ZNF112: variants seen among roughly 807,000 people sequenced by gnomAD.
ZNF112 encodes zinc finger protein 112, also known as zinc finger protein 112 (Y14).
In ZNF112, 37 loss-of-function variants were observed where a neutral mutation model predicts 77.7. The ratio of observed to expected loss-of-function variants is 0.48; its 90% CI spans 0.37 to 0.63. ZNF112 has a LOEUF of 0.63. Among genes scored for constraint, ZNF112 ranks in the 20% least tolerant of loss-of-function variants. The pLI is 0.00. For missense variants in ZNF112, 950 were observed against 1,077.4 expected (o/e 0.88, Z 1.66); for synonymous variants, 333 against 363.6 (o/e 0.92, Z 0.96).
At position 44,327,894 on chromosome 19, in the gene ZNF112, TCTGA is replaced by T. The variant is rs745678106; in HGVS notation, c.2259_2262del (p.Ser753ArgfsTer167). 6.2e-7 allele frequency: 1 copy of T among 1,614,104 alleles called. No homozygotes were observed. The highest frequency in any genetic ancestry group is 1.1e-5 in the South Asian group (1 of 91,088). ...CTCCGATGTGCTTCAAGGCGCGAAC[TCTGA>T]CTAAAGCCCTTCCCACACATCTCAC... On this transcript the variant is annotated frameshift_variant, in exon 4 of 4. Coordinates refer to ENST00000354340, the MANE Select transcript of ZNF112 (RefSeq NM_013380.4). LOFTEE classifies it high-confidence loss of function.
chr19:44,361,049 G>C (rs561753599), upstream of ZNF112, among the ~76,000 whole-genome samples: 1 of 152,286 alleles, frequency 6.6e-6, no homozygotes. Context: ...GCAATACCAT[G>C]ATGACTCCCA....
chr19:44,333,813 A>G lies in ZNF112; in HGVS notation c.220+2810T>C, dbSNP rs1210634298. Among the ~76,000 whole-genome samples, 3 of 152,330 alleles carry G rather than the reference A, an allele frequency of 2.0e-5. No homozygotes were observed. In the East Asian group the frequency reaches 5.8e-4, roughly 29 times the overall value. On this transcript the variant is annotated intron_variant, in intron 3 of 3. Coordinates refer to ENST00000354340, the MANE Select transcript of ZNF112 (RefSeq NM_013380.4). ...TACCTGGTCTCAGGTAGTTCTTTAC[A>G]GCAATGGGAGAATGGACGAATAAAG...
In ZNF112 at chr19:44,328,313, C is replaced by T; in HGVS notation, c.1844G>A (p.Ser615Asn). 2 of 1,613,890 alleles carry T rather than the reference C, an allele frequency of 1.2e-6. No homozygotes were observed. Among genetic ancestry groups the T allele is most frequent in the Non-Finnish European group, 1.7e-6 (2 of 1,179,932 alleles). Residue 615 changes from serine to asparagine, a missense_variant, in exon 4 of 4, where the codon AGT becomes AAT. By Grantham distance (46) the Ser-to-Asn change is conservative. This residue lies in a region of ZNF112 where 373 missense variants were observed against 482.8 expected (regional missense o/e 0.77). Coordinates refer to ENST00000354340, the MANE Select transcript of ZNF112 (RefSeq NM_013380.4). ...TCTCTGATGGCCTTGAAGGTGTGAA[C>T]TCCGACTGAAGCCCTTCCCACACTC... is the stretch of plus-strand genomic sequence containing the variant. ...CEECGKGFSRSSHLQGHQRVH... is the reference protein window; with the variant it reads ...CEECGKGFSRNSHLQGHQRVH...
At chr19:44,361,808 T>C (rs1004651296) in intron 1 of ZNF112, among the ~76,000 whole-genome samples, 3 of 152,188 alleles carry the variant, frequency 2.0e-5, no homozygotes, top group Non-Finnish European at 4.4e-5. Flanking sequence ...TCAAAATTGG[T>C]TCATTAGTTG....
intron 1 of ZNF112, among the ~76,000 whole-genome samples, chr19:44,345,648 C>T (rs1447291058): frequency 6.6e-6 from 1 of 152,190 alleles, no homozygotes; most frequent in Non-Finnish European, 1.5e-5. Context: ...TGATTATGTT[C>T]CTTTCTTGGT....
Position 44,330,055 on chromosome 19 carries a change from C to T in ZNF112, c.221-119G>A. 4 of 722,166 alleles carry T rather than the reference C, an allele frequency of 5.5e-6. No homozygotes were observed. In the South Asian group the frequency reaches 6.8e-5, roughly 12 times the overall value. 44.7% of individuals were successfully genotyped at this position (722,166 alleles called of 1,614,324 possible). On this transcript the variant is annotated intron_variant, in intron 3 of 3. Transcript: ENST00000354340. ...ATGAACCAGAGGAAAATTCATGCCA[C>T]TATTTCTAAGAATACTTAGAAAATA...
upstream of ZNF112, among the ~76,000 whole-genome samples, chr19:44,356,899 A>G (rs796112414): frequency 2.6e-5 from 4 of 152,180 alleles, no homozygotes; most frequent in Admixed American, 1.3e-4. Flanking sequence ...GCCGGTCCCA[A>G]AGGAATTCCT....
intron 3 of ZNF112, among the ~76,000 whole-genome samples, chr19:44,334,234 T>C (rs182639265): frequency 1.5e-4 from 23 of 152,330 alleles, no homozygotes; most frequent in Non-Finnish European, 3.2e-4. Flanking sequence ...ATAGGGATGA[T>C]TTAGGTTATC....
At chr19:44,344,461 C>T (rs1970550208) in intron 1 of ZNF112, among the ~76,000 whole-genome samples, 1 of 152,166 alleles carries the variant, frequency 6.6e-6, no homozygotes. Flanking sequence ...TGCACTACTC[C>T]AGTAGGCACC....
At chr19:44,331,867 C>T (rs1175957673) in intron 3 of ZNF112, among the ~76,000 whole-genome samples, 3 of 152,086 alleles carry the variant, frequency 2.0e-5, no homozygotes, top group Admixed American at 1.3e-4. Flanking sequence ...CTATAGGAGA[C>T]GTAGGGCGAC....
chr19:44,351,925 A>G lies in ZNF112; in HGVS notation c.-4+4701T>C, dbSNP rs576666231. On this transcript the variant is annotated intron_variant, in intron 1 of 3. Coordinates refer to ENST00000354340, the MANE Select transcript of ZNF112 (RefSeq NM_013380.4). ...TAGATGAAATGGTTTAATTCCTTCA[A>G]AGACACAAAACACAAAATACTGATG... Among the ~76,000 whole-genome samples the G allele has an allele frequency of 4.6e-5, 7 of 152,214 alleles. No individual in the cohort carries two copies. The South Asian group carries it at 1.5e-3, about 32-fold the overall frequency.
At position 44,336,705 on chromosome 19, in the gene ZNF112, G is replaced by A. The variant is rs760938616; in HGVS notation, c.138C>T (p.Phe46=). 3.1e-6 allele frequency: 5 copies of A among 1,613,808 alleles called. No homozygotes were observed. In the African/African-American group the frequency reaches 6.7e-5, roughly 22 times the overall value. Residue 46 remains phenylalanine, a synonymous_variant, in exon 3 of 4, where the codon TTC becomes TTT. Transcript: ENST00000354340. ...RNLLLVAHQP[F]KPDLISQLER... is the part of the protein sequence containing the mutation. ...CCAGCTGGGATATTAGGTCTGGCTTGAAGGGCTGATGTGCTGTAAAGAAGG... is the reference window on the plus strand; with the variant it reads ...CCAGCTGGGATATTAGGTCTGGCTTAAAGGGCTGATGTGCTGTAAAGAAGG...
At chr19:44,334,524 T>C (rs905641975) in intron 3 of ZNF112, among the ~76,000 whole-genome samples, 1 of 152,204 alleles carries the variant, frequency 6.6e-6, no homozygotes, top group African/African-American at 2.4e-5. Flanking sequence ...TCCAGGGCAT[T>C]TCAGAGCCAG....
At chr19:44,364,851 C>A (rs1483834710) in intron 1 of ZNF112, among the ~76,000 whole-genome samples, 1 of 152,134 alleles carries the variant, frequency 6.6e-6, no homozygotes, top group African/African-American at 2.4e-5. Flanking sequence ...GGTCCCTGAA[C>A]CAATTCCCCA....
At chr19:44,347,836 T>C (rs574264976) in intron 1 of ZNF112, among the ~76,000 whole-genome samples, 1 of 152,144 alleles carries the variant, frequency 6.6e-6, no homozygotes, top group African/African-American at 2.4e-5. Flanking sequence ...CTGGTGCTCT[T>C]TCATCATTTC....
At chr19:44,330,747 AACAAC>A (rs1164139332) in intron 3 of ZNF112, among the ~76,000 whole-genome samples, 2 of 152,202 alleles carry the variant, frequency 1.3e-5, no homozygotes, top group African/African-American at 4.8e-5. Context: ...AACGAAACAA[AACAAC>A]ACAACTATAA....
At chr19:44,360,804 T>C (rs1477517573), upstream of ZNF112, among the ~76,000 whole-genome samples, 1 of 152,172 alleles carries the variant, frequency 6.6e-6, no homozygotes, top group Admixed American at 6.5e-5. Flanking sequence ...CTAAGGCTGG[T>C]GGATTGTAGA....
chr19:44,359,623 A>C (rs1397618241), upstream of ZNF112, among the ~76,000 whole-genome samples: 1 of 152,084 alleles, frequency 6.6e-6, no homozygotes, highest in Non-Finnish European at 1.5e-5. Context: ...CATGTGGCCT[A>C]CAGTTCTTTT....
At chr19:44,357,324 C>G (rs1048331927), upstream of ZNF112, among the ~76,000 whole-genome samples, 9 of 151,710 alleles carry the variant, frequency 5.9e-5, no homozygotes, top group African/African-American at 1.9e-4. Flanking sequence ...GCTTGCAATA[C>G]AGGAAGAAAA....
Sources: gnomAD v4.1 joint callset for allele counts (sites outside exome capture counted in the v4.1 genomes callset) on GRCh38, gnomAD v4.1.1 for gene constraint, gnomAD v4.1.1 regional missense constraint, MANE v1.5 for transcripts, NCBI Gene and HGNC (gene_info 2026-07-23, HGNC 2026-07-21) for gene names.